IL1RAPL2: variants seen among roughly 807,000 people sequenced by gnomAD.
IL1RAPL2 encodes the protein X-linked interleukin-1 receptor accessory protein-like 2.
A neutral mutation model predicts 44.1 loss-of-function variants in IL1RAPL2; 3 were observed. The ratio of observed to expected loss-of-function variants is 0.07; its 90% confidence interval spans 0.03 to 0.18. IL1RAPL2 has a LOEUF of 0.18. Among genes scored for constraint, IL1RAPL2 ranks in the 10% least tolerant of loss-of-function variants. The pLI is 1.00. For missense variants in IL1RAPL2, 391 were observed against 496.4 expected, an observed-to-expected ratio of 0.79 and a Z score of 2.02; for synonymous variants, 181 against 178.8, an observed-to-expected ratio of 1.01 and a Z score of -0.10.
At chrX:105,619,298 G>A (rs745897642) in intron 6 of IL1RAPL2, among the ~76,000 whole-genome samples, 3 of 109,896 alleles carry the variant, frequency 2.7e-5, no homozygotes, top group South Asian at 3.9e-4. Flanking sequence ...TTGATTATGC[G>A]GATTTGAGTC....
Position 104,962,237 on chromosome X carries a change from G to T in IL1RAPL2, c.83-233238G>T, listed in dbSNP as rs1276062365. 2.7e-5 allele frequency among the ~76,000 whole-genome samples: 3 copies of T among 112,206 alleles called. No individual in the cohort carries two copies. In the East Asian group the frequency reaches 8.4e-4, roughly 32 times the overall value. On this transcript the variant is annotated intron_variant, in intron 2 of 10. Coordinates refer to ENST00000372582, the MANE Select transcript of IL1RAPL2 (RefSeq NM_017416.2). ...AGTGTAGGCTCAAAATGATTTTGAA[G>T]GTAAGTAAATATACTTGGGAAATTG...
At chrX:105,270,897 G>C (rs766325058) in intron 5 of IL1RAPL2, among the ~76,000 whole-genome samples, 4 of 111,488 alleles carry the variant, frequency 3.6e-5, no homozygotes, top group Admixed American at 2.9e-4. Context: ...GTAAATAGAG[G>C]TTCTTTAAAT....
intron 2 of IL1RAPL2, among the ~76,000 whole-genome samples, chrX:104,754,950 G>A (rs1262839551): frequency 9.0e-6 from 1 of 111,521 alleles, no homozygotes; most frequent in Non-Finnish European, 1.9e-5. Flanking sequence ...AAATGTTGAG[G>A]TTTAAACAAG....
At chrX:104,814,091 C>T (rs1042382668) in intron 2 of IL1RAPL2, among the ~76,000 whole-genome samples, 1 of 111,071 alleles carries the variant, frequency 9.0e-6, no homozygotes, top group African/African-American at 3.3e-5. Context: ...GGGTAAGGAC[C>T]CTGTTCTCAG....
intron 2 of IL1RAPL2, among the ~76,000 whole-genome samples, chrX:104,778,268 G>A (rs936418558): frequency 2.1e-4 from 23 of 110,840 alleles, no homozygotes; most frequent in African/African-American, 7.2e-4. Flanking sequence ...CTTTAATTCA[G>A]AAAAGAATTT....
chrX:104,612,989 A>G (rs1929195041), intron 1 of IL1RAPL2, among the ~76,000 whole-genome samples: 1 of 111,571 alleles, frequency 9.0e-6, no homozygotes, highest in Non-Finnish European at 1.9e-5. Flanking sequence ...ATATTTGTGT[A>G]TAGAAATGCT....
At chrX:105,351,342 T>C (rs1440751255) in intron 5 of IL1RAPL2, among the ~76,000 whole-genome samples, 4 of 111,907 alleles carry the variant, frequency 3.6e-5, no homozygotes, top group African/African-American at 1.3e-4. Context: ...ATATATTTAT[T>C]GTGACACTAT....
intron 6 of IL1RAPL2, among the ~76,000 whole-genome samples, chrX:105,520,134 C>G (rs900381266): frequency 2.7e-5 from 3 of 111,828 alleles, no homozygotes; most frequent in Admixed American, 1.9e-4. Flanking sequence ...AAGAACGGCT[C>G]AAGTTGTGAA....
At chrX:105,363,317 A>AT (rs2035267971) in intron 5 of IL1RAPL2, among the ~76,000 whole-genome samples, 1 of 90,445 alleles carries the variant, frequency 1.1e-5, no homozygotes, top group African/African-American at 4.6e-5. Context: ...TAATATATAT[A>AT]TATATATATA....
chrX:104,907,369 T>G (rs891003201), intron 2 of IL1RAPL2, among the ~76,000 whole-genome samples: 2 of 111,041 alleles, frequency 1.8e-5, no homozygotes, highest in East Asian at 5.7e-4. Context: ...TGCTCTTGCT[T>G]TTCTAGTTCT....
chrX:105,552,734 C>T (rs755469445), intron 6 of IL1RAPL2, among the ~76,000 whole-genome samples: 12 of 111,639 alleles, frequency 1.1e-4, no homozygotes, highest in Admixed American at 3.8e-4. Flanking sequence ...TGTGTTAAGC[C>T]GTTGAGATTT....
intron 2 of IL1RAPL2, among the ~76,000 whole-genome samples, chrX:104,771,620 A>G (rs1284278211): frequency 8.9e-6 from 1 of 112,205 alleles, no homozygotes; most frequent in Non-Finnish European, 1.9e-5. Flanking sequence ...GAGAATGATG[A>G]TATTTTGAAG....
rs776021074 is a variant in IL1RAPL2, at chrX:105,419,292, T to C, written c.698-65021T>C. Among the ~76,000 whole-genome samples the C allele has an allele frequency of 2.7e-5, 3 of 112,012 alleles. No homozygotes were observed. In the South Asian group the frequency reaches 1.1e-3, roughly 41 times the overall value. ...CTTTAGAAGTATAATCTTAATAATA[T>C]TTTTTGAAACCACAAGGTTTACATT... On this transcript the variant is annotated intron_variant, in intron 5 of 10. Transcript: ENST00000372582.
intron 5 of IL1RAPL2, among the ~76,000 whole-genome samples, chrX:105,320,336 G>A (rs943991877): frequency 1.8e-5 from 2 of 111,729 alleles, no homozygotes; most frequent in Admixed American, 1.9e-4. Context: ...TGGCAACCAC[G>A]TTTCAGAGGG....
chrX:105,703,851 C>T (rs1392870312), intron 6 of IL1RAPL2, among the ~76,000 whole-genome samples: 2 of 111,612 alleles, frequency 1.8e-5, no homozygotes, highest in Admixed American at 1.9e-4. Flanking sequence ...GATGAAATGA[C>T]AAGTCAGAAA....
At chrX:104,968,090 A>G (rs1187966404) in intron 2 of IL1RAPL2, among the ~76,000 whole-genome samples, 1 of 111,610 alleles carries the variant, frequency 9.0e-6, no homozygotes, top group East Asian at 2.8e-4. Context: ...AATAGGAAAA[A>G]TGAAAAGTGT....
intron 5 of IL1RAPL2, among the ~76,000 whole-genome samples, chrX:105,324,400 C>A (rs1225430714): frequency 9.0e-6 from 1 of 111,479 alleles, no homozygotes; most frequent in Non-Finnish European, 1.9e-5. Context: ...AAATATCTGT[C>A]ATGGCCCAGT....
intron 6 of IL1RAPL2, among the ~76,000 whole-genome samples, chrX:105,544,758 C>T (rs1246199177): frequency 9.0e-6 from 1 of 110,604 alleles, no homozygotes; most frequent in Non-Finnish European, 1.9e-5. Context: ...TTATATGTCT[C>T]CTTCCTCTTT....
At chrX:105,514,316 A>G (rs184323951) in intron 6 of IL1RAPL2, among the ~76,000 whole-genome samples, 1 of 111,269 alleles carries the variant, frequency 9.0e-6, no homozygotes, top group African/African-American at 3.3e-5. Flanking sequence ...GCATGATCCA[A>G]TGTAATCTAG....
Sources: gnomAD v4.1 joint callset for allele counts (sites outside exome capture counted in the v4.1 genomes callset) on GRCh38, gnomAD v4.1.1 for gene constraint, MANE v1.5 for transcripts, NCBI Gene and HGNC (gene_info 2026-07-23, HGNC 2026-07-21) for gene names.